Variants in HMGXB4 observed in about 807,000 individuals in gnomAD.
HMGXB4 encodes HMG-box containing 4.
A neutral mutation model predicts 63.9 loss-of-function variants in HMGXB4; 27 were observed. That is an observed-to-expected ratio of 0.42 (90% CI 0.31 to 0.58). The LOEUF (loss-of-function observed/expected upper bound fraction) is 0.58. Ranked by LOEUF, HMGXB4 falls within the 20% of genes least tolerant of loss-of-function variation. The pLI is 0.13. For synonymous variants in HMGXB4, 264 were observed against 265.3 expected (o/e 0.99, Z 0.05); for missense variants, 624 against 700.7 (o/e 0.89, Z 1.24).
upstream of HMGXB4, among the ~76,000 whole-genome samples, chr22:35,253,144 A>AAAAAAAAAAAAAAAAG (rs11282400): frequency 4.4e-4 from 55 of 125,306 alleles, no homozygotes; most frequent in African/African-American, 8.5e-4. Flanking sequence ...AAAAAAAAAA[A>AAAAAAAAAAAAAAAAG]AAAAAAGAAA....
chr22:35,293,698 T>G lies in HMGXB4; in HGVS notation c.*47T>G. 1 of 1,453,782 alleles carries G rather than the reference T, an allele frequency of 6.9e-7. No homozygotes were observed. Among genetic ancestry groups the G allele is most frequent in the Non-Finnish European group, 9.7e-7 (1 of 1,034,158 alleles). 90.1% of individuals were successfully genotyped at this position (1,453,782 alleles called of 1,614,324 possible). A position where few individuals can be genotyped will look rare whatever the true frequency, so the allele number is the denominator to read the frequency against. On this transcript the variant is annotated 3_prime_UTR_variant, in exon 11 of 11. Coordinates refer to ENST00000216106, the MANE Select transcript of HMGXB4 (RefSeq NM_001003681.3). ...AAACCTTATCCTACACCATTGCTGG[T>G]TTGTGTATATATGACTGTTGCAGAT...
the HMGXB4 span, among the ~76,000 whole-genome samples, chr22:35,248,771 G>T: frequency 6.7e-6 from 1 of 148,366 alleles, no homozygotes; most frequent in Non-Finnish European, 1.5e-5. Flanking sequence ...TTATCATCAA[G>T]AGGATGGTGC....
intron 8 of HMGXB4, 144 bp downstream of exon 8, chr22:35,287,596 A>C: frequency 1.6e-6 from 1 of 643,190 alleles, no homozygotes; most frequent in Non-Finnish European, 2.8e-6. Context: ...AAGCTACCAA[A>C]AAGAGATGTT....
intron 7 of HMGXB4, among the ~76,000 whole-genome samples, chr22:35,286,451 T>C (rs2072705): frequency 0.51 from 78,100 of 152,062 alleles, 22,899 homozygotes; most frequent in Non-Finnish European, 0.65. Flanking sequence ...ACAATAAAAA[T>C]ATGAGAATGT....
At chr22:35,269,481 T>C (rs1234118020) in intron 5 of HMGXB4, among the ~76,000 whole-genome samples, 1 of 152,198 alleles carries the variant, frequency 6.6e-6, no homozygotes, top group Admixed American at 6.5e-5. Flanking sequence ...TACCACCTTA[T>C]AGTATCTTCA....
At chr22:35,273,195 C>T (rs1045974651) in intron 5 of HMGXB4, among the ~76,000 whole-genome samples, 1 of 152,182 alleles carries the variant, frequency 6.6e-6, no homozygotes. Context: ...TAGTCACTAC[C>T]ATCTATTGAG....
the HMGXB4 span, among the ~76,000 whole-genome samples, chr22:35,248,401 CTTTTTTTTTTT>C: frequency 9.7e-6 from 1 of 102,964 alleles, no homozygotes. Context: ...GAGGTCGGGA[CTTTTTTTTTTT>C]TTTTTTTTTT....
chr22:35,244,054 T>C, the HMGXB4 span, among the ~76,000 whole-genome samples: 2 of 152,210 alleles, frequency 1.3e-5, no homozygotes, highest in African/African-American at 4.8e-5. Flanking sequence ...GGTTTATCTA[T>C]TTTGAGATTT....
In HMGXB4 at chr22:35,265,487, C is replaced by G. The variant is rs749527106; in HGVS notation, c.1099C>G (p.Pro367Ala). Residue 367 changes from proline to alanine, a missense_variant, in exon 5 of 11, where the codon CCA (proline) becomes GCA (alanine). By Grantham distance (27) the Pro-to-Ala change is conservative. Transcript: ENST00000216106. Reference sequence around the variant, plus strand: ...GACATCTGGCCCTCCTCCCAGCATCCCATACGCTGGAGCAGCAGCACCTCC... The same window carrying G: ...GACATCTGGCCCTCCTCCCAGCATCGCATACGCTGGAGCAGCAGCACCTCC... ...TVTSGPPPSI[P>A]YAGAAAPPLP... is the part of the protein sequence containing the mutation. 1 of 1,613,884 alleles carries G rather than the reference C, an allele frequency of 6.2e-7. No homozygotes were observed. Among genetic ancestry groups the G allele is most frequent in the Non-Finnish European group, 8.5e-7 (1 of 1,179,964 alleles).
rs749592645 is a variant in HMGXB4, at chr22:35,265,190, G to A, written c.802G>A (p.Gly268Arg). 1 of 1,614,120 alleles carries A rather than the reference G, an allele frequency of 6.2e-7. No homozygotes were observed. The highest frequency in any genetic ancestry group is 8.5e-7 in the Non-Finnish European group (1 of 1,180,026). Residue 268 changes from glycine (G) to arginine (R), a missense_variant, in exon 5 of 11, where the codon GGG becomes AGG. Physicochemically the swap from Gly to Arg is moderately radical, Grantham distance 125. Around this residue, in one of 2 missense-constraint regions of HMGXB4, gnomAD observed 472 missense variants for 470.6 expected, o/e 1.00. Transcript: ENST00000216106. ...AHSSPGPEGCGSDASQFAESH... is the reference protein window; with the variant it reads ...AHSSPGPEGCRSDASQFAESH... ...TTCATCTCCTGGCCCTGAAGGCTGT[G>A]GGTCTGACGCCTCCCAGTTCGCAGA...
At chr22:35,270,297 T>C (rs976059214) in intron 5 of HMGXB4, among the ~76,000 whole-genome samples, 1 of 152,204 alleles carries the variant, frequency 6.6e-6, no homozygotes, top group Non-Finnish European at 1.5e-5. Context: ...AGGTTCCTTA[T>C]GAGAATCTAA....
intron 9 of HMGXB4, among the ~76,000 whole-genome samples, chr22:35,290,204 G>A (rs966693280): frequency 4.9e-4 from 74 of 152,188 alleles, no homozygotes; most frequent in African/African-American, 1.7e-3. Flanking sequence ...TGTTTTAAGC[G>A]TATTCTGAAT....
At chr22:35,280,930 G>A (rs943060602) in intron 5 of HMGXB4, among the ~76,000 whole-genome samples, 1 of 152,150 alleles carries the variant, frequency 6.6e-6, no homozygotes, top group African/African-American at 2.4e-5. Flanking sequence ...TGTTCCCATA[G>A]CACCCAATGC....
At chr22:35,252,193 C>T in the HMGXB4 span, among the ~76,000 whole-genome samples, 795 of 152,246 alleles carry the variant, frequency 5.2e-3, 4 homozygotes, top group Non-Finnish European at 9.2e-3. Flanking sequence ...CCAGCCTAGG[C>T]GGCCGAGAGA....
At chr22:35,277,828 T>G (rs1448616262) in intron 5 of HMGXB4, among the ~76,000 whole-genome samples, 2 of 152,186 alleles carry the variant, frequency 1.3e-5, no homozygotes, top group Non-Finnish European at 2.9e-5. Context: ...CTAGTACATT[T>G]GTTACAACTG....
chr22:35,241,771 T>C, the HMGXB4 span, among the ~76,000 whole-genome samples: 6 of 152,290 alleles, frequency 3.9e-5, no homozygotes, highest in Admixed American at 3.3e-4. Context: ...CTCACAGTAT[T>C]TGGGGTGTCT....
chr22:35,263,983 A>T (rs1354087303), intron 4 of HMGXB4, 109 bp downstream of exon 4: 19 of 1,575,098 alleles, frequency 1.2e-5, no homozygotes, highest in Non-Finnish European at 1.6e-5. Context: ...ATTTAACAGG[A>T]CAGTGGTTCT....
upstream of HMGXB4, among the ~76,000 whole-genome samples, chr22:35,252,672 G>A (rs1922237768): frequency 6.6e-6 from 1 of 152,214 alleles, no homozygotes; most frequent in African/African-American, 2.4e-5. Context: ...AGATGCATGA[G>A]CTGGCAAAAG....
intron 1 of HMGXB4, among the ~76,000 whole-genome samples, chr22:35,260,947 G>A (rs76938261): frequency 6.6e-6 from 1 of 152,286 alleles, no homozygotes; most frequent in Non-Finnish European, 1.5e-5. Flanking sequence ...AATTAGTAAT[G>A]TGTCATTTAA....
Sources: gnomAD v4.1 joint callset for allele counts (sites outside exome capture counted in the v4.1 genomes callset) on GRCh38, gnomAD v4.1.1 for gene constraint, gnomAD v4.1.1 regional missense constraint, MANE v1.5 for transcripts, NCBI Gene and HGNC (gene_info 2026-07-23, HGNC 2026-07-21) for gene names.